The following ESF1 variants were observed in gnomAD, a reference collection of about 807,000 sequenced individuals.
ESF1 encodes the protein ESF1 nucleolar pre-rRNA processing protein.
In ESF1, 58 loss-of-function variants were observed where a neutral mutation model predicts 92.0. The ratio of observed to expected loss-of-function variants is 0.63; its 90% CI spans 0.51 to 0.78. ESF1 has a LOEUF of 0.78. ESF1 is among the 30% of genes least tolerant of loss of function. The probability of loss-of-function intolerance (pLI) is 0.00; values close to 1 mark genes in which losing one functional copy is unlikely to be tolerated. For synonymous variants in ESF1, 321 were observed against 313.7 expected, an observed-to-expected ratio of 1.02 and a Z score of -0.24; for missense variants, 922 against 989.1, an observed-to-expected ratio of 0.93 and a Z score of 0.91.
At chr20:13,728,545 T>G in intron 10 of ESF1, 80 bp from the exon 11 acceptor site, 5 of 1,116,510 alleles carry the variant, frequency 4.5e-6, no homozygotes, top group African/African-American at 1.6e-5. Context: ...AACTATGCAT[T>G]TCTTTTAAAC....
Position 13,714,350 on chromosome 20 carries a change from C to T in ESF1, c.*524G>A, listed in dbSNP as rs2147709895. The T allele has an allele frequency of 6.6e-6, 1 of 152,302 alleles. No individual in the cohort carries two copies. The highest frequency in any genetic ancestry group is 2.1e-4 in the South Asian group (1 of 4,832). 9.4% of individuals were successfully genotyped at this position (152,302 alleles called of 1,614,324 possible). On this transcript the variant is annotated 3_prime_UTR_variant, in exon 14 of 14. Coordinates refer to ENST00000617257, the MANE Select transcript of ESF1 (RefSeq NM_001276380.2). ...TGAAAATATTTTACACTTTTATTTA[C>T]AAGTTAATTTCATAAACTATACTTA...
chr20:13,771,271 T>C, intron 6 of ESF1, 60 bp downstream of exon 6: 1 of 1,488,896 alleles, frequency 6.7e-7, no homozygotes, highest in Non-Finnish European at 9.3e-7. Flanking sequence ...TTCAAATATT[T>C]TACTTCTTAT....
chr20:13,733,833 T>C lies in ESF1; in HGVS notation c.1838A>G (p.Glu613Gly). The change falls in exon 10 of 14, where the codon GAA (glutamate) becomes GGA (glycine). Residue 613 changes from glutamate (E) to glycine (G), a missense_variant. Physicochemically the swap from Glu to Gly is moderately conservative, Grantham distance 98 (BLOSUM62 -2). Coordinates refer to ENST00000617257, the MANE Select transcript of ESF1 (RefSeq NM_001276380.2). ...GTTTTTGACCATCTCTTCTGCACTT[T>C]CTTTAAGACCTGAGGAAAAATCCAA... Reference protein sequence around the residue: ...MEIKWVPGLKESAEEMVKNKL... With the variant: ...MEIKWVPGLKGSAEEMVKNKL... 1 of 1,605,234 alleles carries C rather than the reference T, an allele frequency of 6.2e-7. No homozygotes were observed. Among genetic ancestry groups the C allele is most frequent in the Middle Eastern group, 1.7e-4 (1 of 6,028 alleles).
intron 9 of ESF1, among the ~76,000 whole-genome samples, chr20:13,739,299 C>T (rs764425422): frequency 1.8e-4 from 28 of 152,176 alleles, no homozygotes; most frequent in Non-Finnish European, 2.6e-4. Flanking sequence ...TTTACTCTCC[C>T]TTGAAATGAT....
In ESF1 at chr20:13,761,764, T is replaced by A. The variant is rs6042351; in HGVS notation, c.1667-1911A>T. 2.2e-4 allele frequency among the ~76,000 whole-genome samples: 33 copies of A among 152,176 alleles called. 1 individual carries two copies. Among genetic ancestry groups the A allele is most frequent in the Non-Finnish European group, 3.7e-4 (25 of 68,012 alleles). ...AAAATAATTAAAATACAAAGAAACA[T>A]TATAAAATTCACAGGCAACAAATAC... On this transcript the variant is annotated intron_variant, in intron 8 of 13. Transcript: ENST00000617257.
intron 9 of ESF1, among the ~76,000 whole-genome samples, chr20:13,752,092 T>C (rs1001632017): frequency 1.3e-5 from 2 of 152,194 alleles, no homozygotes; most frequent in African/African-American, 4.8e-5. Context: ...CTGAGAAAAT[T>C]ACCAGCAATC....
intron 11 of ESF1, 108 bp from the exon 12 acceptor site, chr20:13,719,092 T>A (rs548087071): frequency 4.3e-6 from 3 of 694,164 alleles, no homozygotes; most frequent in East Asian, 6.3e-5. Flanking sequence ...ATCTTAACAA[T>A]AAATGTGTTG....
At chr20:13,718,049 T>C (rs948585712) in intron 12 of ESF1, among the ~76,000 whole-genome samples, 1 of 152,156 alleles carries the variant, frequency 6.6e-6, no homozygotes, top group Non-Finnish European at 1.5e-5. Flanking sequence ...TAAATGTCTT[T>C]TTACACTAAA....
intron 9 of ESF1, among the ~76,000 whole-genome samples, chr20:13,755,257 C>T (rs1293483464): frequency 6.6e-6 from 1 of 151,452 alleles, no homozygotes; most frequent in Non-Finnish European, 1.5e-5. Flanking sequence ...TCTATTAGGC[C>T]AGAGATAGCT....
intron 8 of ESF1, among the ~76,000 whole-genome samples, chr20:13,762,393 T>C (rs79955904): frequency 0.017 from 2,522 of 152,286 alleles, 20 homozygotes; most frequent in Non-Finnish European, 0.024. Context: ...CAGGAACACA[T>C]TAACAAATGG....
rs1245011971 is a variant in ESF1, at chr20:13,718,958, C to T, written c.2065G>A (p.Ala689Thr). The T allele has an allele frequency of 1.2e-6, 2 of 1,603,286 alleles. No homozygotes were observed. The highest frequency in any genetic ancestry group is 1.3e-5 in the African/African-American group (1 of 74,504). The change falls in exon 12 of 14, where the codon GCA becomes ACA. Residue 689 changes from alanine (A) to threonine (T), a missense_variant. By Grantham distance (58) the Ala-to-Thr change is moderately conservative. Coordinates refer to ENST00000617257, the MANE Select transcript of ESF1 (RefSeq NM_001276380.2). ...IGINKKSVKS[A>T]KDGTSPEEEI... ...TCTTCTGGAGATGTGCCATCTTTTG[C>T]AGATTTTACCGATTTTTTATTTATA... is the stretch of plus-strand genomic sequence containing the variant.
chr20:13,724,315 T>A (rs200201585), intron 11 of ESF1, among the ~76,000 whole-genome samples: 1 of 64,272 alleles, frequency 1.6e-5, no homozygotes, highest in African/African-American at 5.9e-5. Context: ...ATAAATAAAA[T>A]AAAAATAAAA....
At chr20:13,748,447 T>TATACATATAC (rs1978385872) in intron 9 of ESF1, among the ~76,000 whole-genome samples, 5 of 14,296 alleles carry the variant, frequency 3.5e-4, no homozygotes, top group African/African-American at 9.5e-4. Context: ...TACACATATA[T>TATACATATAC]ACATATATAT....
intron 9 of ESF1, among the ~76,000 whole-genome samples, chr20:13,736,996 G>T (rs2049979599): frequency 6.6e-6 from 1 of 152,138 alleles, no homozygotes; most frequent in Admixed American, 6.5e-5. Context: ...TCTTGCCACA[G>T]ATCACAGCTG....
chr20:13,775,284 A>C lies in ESF1; in HGVS notation c.1036-14T>G. 1 of 1,442,980 alleles carries C rather than the reference A, an allele frequency of 6.9e-7. No individual in the cohort carries two copies. The highest frequency in any genetic ancestry group is 9.6e-7 in the Non-Finnish European group (1 of 1,041,308). The allele number at this position is 1,442,980 out of a possible 1,614,324, so 89.4% of individuals were successfully genotyped here. ...TCGACGTGTAATCTGAGAAATGAGA[A>C]GAATTAAATAGTACATAATCCATAT... On this transcript the variant is annotated splice_polypyrimidine_tract_variant and intron_variant, in intron 3 of 13. Coordinates refer to ENST00000617257, the MANE Select transcript of ESF1 (RefSeq NM_001276380.2).
At chr20:13,775,402 T>A in intron 3 of ESF1, 132 bp from the exon 4 acceptor site, 1 of 538,314 alleles carries the variant, frequency 1.9e-6, no homozygotes, top group Non-Finnish European at 3.2e-6. Flanking sequence ...TATCTAAGCG[T>A]AATTCAGTAT....
rs1980295287 is a variant in ESF1, at chr20:13,783,056, C to A, written c.85G>T (p.Asp29Tyr). 2 of 1,613,920 alleles carry A rather than the reference C, an allele frequency of 1.2e-6. No individual in the cohort carries two copies. Among genetic ancestry groups the A allele is most frequent in the Non-Finnish European group, 1.7e-6 (2 of 1,180,018 alleles). Residue 29 changes from aspartate (D) to tyrosine (Y), a missense_variant, in exon 2 of 14, where the codon GAT (aspartate) becomes TAT (tyrosine). Transcript: ENST00000617257. The stretch of plus-strand genomic sequence containing the variant: ...CTCTTGTCAATTTTGACTTTTCGAT[C>A]CTTTTCTGGCATTTCCCAAAATCTC... ...DPRFWEMPEKDRKVKIDKRFR... is the reference protein window; with the variant it reads ...DPRFWEMPEKYRKVKIDKRFR...
At chr20:13,721,939 T>C (rs1217936805) in intron 11 of ESF1, among the ~76,000 whole-genome samples, 1 of 152,186 alleles carries the variant, frequency 6.6e-6, no homozygotes, top group Non-Finnish European at 1.5e-5. Flanking sequence ...CACATATAAA[T>C]ATCATCAAGG....
Position 13,728,362 on chromosome 20 carries a change from A to C in ESF1, c.2038+16T>G, listed in dbSNP as rs2049915932. On this transcript the variant is annotated intron_variant, in intron 11 of 13. Transcript: ENST00000617257. Reference sequence around the variant, plus strand: ...TTTAGATTCCAGTTGAAAACTACAGATATGAGCTGGCTTACCTATTTGTTT... The same window carrying C: ...TTTAGATTCCAGTTGAAAACTACAGCTATGAGCTGGCTTACCTATTTGTTT... The C allele has an allele frequency of 6.3e-7, 1 of 1,590,972 alleles. No homozygotes were observed. Among genetic ancestry groups the C allele is most frequent in the African/African-American group, 1.4e-5 (1 of 73,958 alleles).
Sources: gnomAD v4.1 joint callset for allele counts (sites outside exome capture counted in the v4.1 genomes callset) on GRCh38, gnomAD v4.1.1 for gene constraint, MANE v1.5 for transcripts, NCBI Gene and HGNC (gene_info 2026-07-23, HGNC 2026-07-21) for gene names.